Variants in UST observed in about 807,000 individuals in gnomAD.
The protein encoded by UST is uronyl 2-sulfotransferase.
Under a neutral mutation model 45.6 loss-of-function variants are expected in UST, and 21 were observed. The observed-to-expected ratio is 0.46, with a 90% CI of 0.33 to 0.66. The LOEUF (loss-of-function observed/expected upper bound fraction) is 0.66, where lower values mean the gene tolerates loss of function less well. UST is among the 30% of genes least tolerant of loss of function. The pLI, the probability that UST is intolerant of heterozygous loss-of-function variation, is 0.02. For synonymous variants in UST, 215 were observed against 200.6 expected (o/e 1.07, Z -0.61); for missense variants, 463 against 512.4 (o/e 0.90, Z 0.93).
intron 5 of UST, among the ~76,000 whole-genome samples, chr6:149,004,350 G>T (rs1201631360): frequency 6.6e-6 from 1 of 152,188 alleles, no homozygotes; most frequent in East Asian, 1.9e-4. Context: ...GGAGCCAGCA[G>T]TCATGACCCA....
intron 1 of UST, among the ~76,000 whole-genome samples, chr6:148,760,731 CAAAACAAAAA>C (rs1442493513): frequency 6.7e-6 from 1 of 149,550 alleles, no homozygotes; most frequent in African/African-American, 2.5e-5. Flanking sequence ...CAAAACAAAA[CAAAACAAAAA>C]AAAACCACAA....
rs150717158 is a variant in UST at position 148,797,262 on chromosome 6, A to G, written c.247+49585A>G. 4.1e-4 allele frequency among the ~76,000 whole-genome samples: 63 copies of G among 152,288 alleles called. 1 individual carries two copies. The East Asian group carries it at 0.012, about 29-fold the overall frequency. ...ACTGCACCCTAGCCTGGGCAGCAGA[A>G]TGAAACCCTGTCTCTAAAAATGAAC... is the stretch of plus-strand genomic sequence containing the variant. On this transcript the variant is annotated intron_variant, in intron 1 of 7. Transcript: ENST00000367463.
At chr6:148,899,089 A>G (rs1011217324) in intron 2 of UST, among the ~76,000 whole-genome samples, 2 of 138,696 alleles carry the variant, frequency 1.4e-5, no homozygotes, top group African/African-American at 5.4e-5. Flanking sequence ...TAGCTACCTA[A>G]TCCTTTTTTT....
intron 2 of UST, among the ~76,000 whole-genome samples, chr6:148,906,490 A>G (rs1779363330): frequency 6.6e-6 from 1 of 152,328 alleles, no homozygotes; most frequent in South Asian, 2.1e-4. Flanking sequence ...AGGGTTATCT[A>G]ATTGATGTTT....
At chr6:148,787,557 C>T (rs1776756324) in intron 1 of UST, among the ~76,000 whole-genome samples, 1 of 152,024 alleles carries the variant, frequency 6.6e-6, no homozygotes, top group African/African-American at 2.4e-5. Flanking sequence ...TGTGTCTGTT[C>T]TTGCACCAGT....
Position 148,994,359 on chromosome 6 carries a change from A to T in UST, c.682-24780A>T, listed in dbSNP as rs183555774. ...TTCTTGGTGGAATGGTTATAAATTA[A>T]TGAAAAACAATTTATTCACTTTAAT... On this transcript the variant is annotated intron_variant, in intron 5 of 7. Transcript: ENST00000367463. 9.8e-5 allele frequency among the ~76,000 whole-genome samples: 15 copies of T among 152,354 alleles called. No homozygotes were observed. In the East Asian group the frequency reaches 2.5e-3, roughly 25 times the overall value.
At chr6:149,010,347 A>T (rs1775784783) in intron 5 of UST, among the ~76,000 whole-genome samples, 1 of 152,182 alleles carries the variant, frequency 6.6e-6, no homozygotes, top group Non-Finnish European at 1.5e-5. Context: ...CACATCTCTG[A>T]AAAGCATCAA....
intron 2 of UST, among the ~76,000 whole-genome samples, chr6:148,913,423 CTTTTTTTTTT>C (rs34110477): frequency 1.3e-5 from 1 of 79,880 alleles, no homozygotes; most frequent in Non-Finnish European, 2.3e-5. Context: ...GACCAAAAAT[CTTTTTTTTTT>C]TTTTTTTTTT....
At chr6:148,864,567 G>GTC (rs1239775374) in intron 1 of UST, among the ~76,000 whole-genome samples, 4 of 152,182 alleles carry the variant, frequency 2.6e-5, no homozygotes, top group African/African-American at 9.7e-5. Flanking sequence ...GAAATCACCC[G>GTC]TCTCTGTATT....
intron 1 of UST, among the ~76,000 whole-genome samples, chr6:148,849,212 A>T (rs1351888918): frequency 6.6e-6 from 1 of 152,184 alleles, no homozygotes; most frequent in African/African-American, 2.4e-5. Context: ...TGCTTCACCA[A>T]GTCATCCAGG....
At chr6:148,915,920 T>TG (rs111591389) in intron 2 of UST, among the ~76,000 whole-genome samples, 38,646 of 143,930 alleles carry the variant, frequency 0.27, 5,389 homozygotes, top group Middle Eastern at 0.32. Context: ...CTTAAGCCAG[T>TG]GGTGGGACAT....
At chr6:148,968,225 G>A (rs1406921929) in intron 5 of UST, among the ~76,000 whole-genome samples, 3 of 152,330 alleles carry the variant, frequency 2.0e-5, no homozygotes, top group South Asian at 4.1e-4. Context: ...AGACATCGCT[G>A]TTACAGCAAT....
chr6:148,994,565 A>G (rs1221668180), intron 5 of UST, among the ~76,000 whole-genome samples: 1 of 152,178 alleles, frequency 6.6e-6, no homozygotes, highest in Non-Finnish European at 1.5e-5. Flanking sequence ...TCAGTTGGTC[A>G]CTTGAAACTA....
At chr6:149,029,675 T>C (rs1776110681) in intron 7 of UST, among the ~76,000 whole-genome samples, 1 of 151,992 alleles carries the variant, frequency 6.6e-6, no homozygotes, top group Admixed American at 6.6e-5. Flanking sequence ...AAGTATACAA[T>C]GATGGTTAGG....
At position 149,036,761 on chromosome 6, in the gene UST, CA is replaced by C. The variant is rs1582970532; in HGVS notation, c.937+15282del. Among the ~76,000 whole-genome samples, 3 of 152,278 alleles carry C rather than the reference CA, an allele frequency of 2.0e-5. No individual in the cohort carries two copies. In the East Asian group the frequency reaches 5.8e-4, roughly 29 times the overall value. On this transcript the variant is annotated intron_variant, in intron 7 of 7. Transcript: ENST00000367463. Reference sequence around the variant, plus strand: ...ATTTCAAAAGCAAAACTAACAAAAACAAGATCCTTTAACGGTAATTGATTAA... The same window carrying C: ...ATTTCAAAAGCAAAACTAACAAAAACAGATCCTTTAACGGTAATTGATTAA...
chr6:148,830,771 GA>G (rs1489687681), intron 1 of UST, among the ~76,000 whole-genome samples: 1 of 152,116 alleles, frequency 6.6e-6, no homozygotes, highest in East Asian at 1.9e-4. Flanking sequence ...TCATAGAAAC[GA>G]AAATAAAATG....
rs545831442 is a variant in UST, at chr6:148,768,272, G to A, written c.247+20595G>A. Among the ~76,000 whole-genome samples the A allele has an allele frequency of 2.0e-5, 3 of 152,174 alleles. No individual in the cohort carries two copies. The East Asian group carries it at 5.8e-4, about 29-fold the overall frequency. ...ACCAGTTTATGCTTGTAAGACATGG[G>A]TCTTCTTTTGGGAATTGCAGTTTTA... On this transcript the variant is annotated intron_variant, in intron 1 of 7. Transcript: ENST00000367463.
intron 1 of UST, among the ~76,000 whole-genome samples, chr6:148,856,800 G>A (rs1268164192): frequency 6.6e-6 from 1 of 152,124 alleles, no homozygotes; most frequent in Non-Finnish European, 1.5e-5. Context: ...AGCTTATGGA[G>A]AATTGGGATC....
intron 3 of UST, among the ~76,000 whole-genome samples, chr6:148,951,635 C>A (rs537499622): frequency 6.6e-6 from 1 of 152,190 alleles, no homozygotes; most frequent in Admixed American, 6.5e-5. Context: ...GGGGGAGGAC[C>A]AGGCAAGAGA....
Sources: allele counts gnomAD v4.1 joint callset (sites outside exome capture counted in the v4.1 genomes callset), GRCh38; gene constraint gnomAD v4.1.1; transcripts MANE v1.5; gene names NCBI Gene and HGNC (gene_info 2026-07-23, HGNC 2026-07-21).